TLR2: variants seen among roughly 807,000 people sequenced by gnomAD.
TLR2 encodes the protein toll-like receptor 2.
Under a neutral mutation model 9.1 loss-of-function variants are expected in TLR2, and 7 were observed. The observed-to-expected ratio is 0.77, with a 90% confidence interval of 0.44 to 1.44. The LOEUF is 1.44. Among genes scored for constraint, TLR2 ranks in the 40% most tolerant of loss-of-function variants. The pLI is 0.01. For synonymous variants in TLR2, 317 were observed against 344.6 expected (o/e 0.92, Z 0.89); for missense variants, 812 against 904.6 (o/e 0.90, Z 1.31).
At chr4:153,697,146 A>G (rs766609990) in intron 2 of TLR2, among the ~76,000 whole-genome samples, 15 of 152,182 alleles carry the variant, frequency 9.9e-5, no homozygotes, top group Admixed American at 9.8e-4. Context: ...AGGGAATTTT[A>G]TATGTGATCA....
downstream of TLR2, among the ~76,000 whole-genome samples, chr4:153,707,181 C>A (rs530757796): frequency 6.6e-6 from 1 of 152,110 alleles, no homozygotes; most frequent in Non-Finnish European, 1.5e-5. Context: ...AACTGCAGAA[C>A]AAGCTTGTCC....
intron 2 of TLR2, among the ~76,000 whole-genome samples, chr4:153,698,732 A>T (rs954111511): frequency 6.6e-6 from 1 of 152,210 alleles, no homozygotes; most frequent in East Asian, 1.9e-4. Flanking sequence ...TTACAGATGG[A>T]TTGCATTCAG....
chr4:153,702,954 G>A lies in TLR2; in HGVS notation c.47G>A (p.Ser16Asn), dbSNP rs1260223170. The change falls in exon 3 of 3, where the codon AGC becomes AAC. Residue 16 changes from serine to asparagine, a missense_variant. Ser to Asn is a conservative substitution (Grantham distance 46). Coordinates refer to ENST00000642700, the MANE Select transcript of TLR2 (RefSeq NM_001318789.2). ...GTGTGGGTCTTGGGGGTCATCATCAGCCTCTCCAAGGAAGAATCCTCCAAT... is the reference window on the plus strand; with the variant it reads ...GTGTGGGTCTTGGGGGTCATCATCAACCTCTCCAAGGAAGAATCCTCCAAT... ...WMVWVLGVII[S>N]LSKEESSNQA... The A allele has an allele frequency of 6.2e-7, 1 of 1,606,066 alleles. No individual in the cohort carries two copies. Among genetic ancestry groups the A allele is most frequent in the African/African-American group, 1.4e-5 (1 of 74,004 alleles).
chr4:153,684,450 C>T (rs1169109488), intron 1 of TLR2, 90 bp downstream of exon 1: 2 of 152,402 alleles, frequency 1.3e-5, no homozygotes, highest in African/African-American at 4.8e-5. Flanking sequence ...GCAGCCCGGT[C>T]ACGGGCTCTG....
chr4:153,708,893 T>C (rs1416533487), downstream of TLR2, among the ~76,000 whole-genome samples: 1 of 152,178 alleles, frequency 6.6e-6, no homozygotes, highest in Non-Finnish European at 1.5e-5. Context: ...TAGGTGGAGT[T>C]GTGCAGACAG....
rs181063567 is a variant in TLR2 at position 153,687,213 on chromosome 4, A to G, written c.-162-689A>G. Among the ~76,000 whole-genome samples the G allele has an allele frequency of 5.3e-5, 8 of 152,322 alleles. No homozygotes were observed. The East Asian group carries it at 1.5e-3, about 29-fold the overall frequency. Reference sequence around the variant, plus strand: ...GAAACTTACAACCTTAAGTGCATATATTAGAAATGAAGAGTGACGAAAAAT... The same window carrying G: ...GAAACTTACAACCTTAAGTGCATATGTTAGAAATGAAGAGTGACGAAAAAT... On this transcript the variant is annotated intron_variant, in intron 1 of 2. Transcript: ENST00000642700.
chr4:153,687,035 T>C (rs1351895853), intron 1 of TLR2, among the ~76,000 whole-genome samples: 2 of 152,166 alleles, frequency 1.3e-5, no homozygotes, highest in Admixed American at 6.5e-5. Context: ...GAAAAACTTA[T>C]AGAAAATTCT....
chr4:153,686,968 T>C (rs567556717), intron 1 of TLR2, among the ~76,000 whole-genome samples: 2 of 152,208 alleles, frequency 1.3e-5, no homozygotes, highest in Non-Finnish European at 2.9e-5. Context: ...TTTTAAAGAA[T>C]TTAAATCATA....
rs1433031069 is a variant in TLR2 at position 153,684,296 on chromosome 4, A to C, written c.-227A>C. 6.6e-6 allele frequency: 1 copy of C among 152,314 alleles called. No individual in the cohort carries two copies. Among genetic ancestry groups the C allele is most frequent in the South Asian group, 2.1e-4 (1 of 4,836 alleles). The allele number at this position is 152,314 out of a possible 1,614,324, so 9.4% of individuals were successfully genotyped here. On this transcript the variant is annotated 5_prime_UTR_variant, in exon 1 of 3. Coordinates refer to ENST00000642700, the MANE Select transcript of TLR2 (RefSeq NM_001318789.2). Reference sequence around the variant, plus strand: ...GTCCCGGGCAGGCCGGCTCGGAGGCAGCGAGAAAGCGCAGCCAGGCGGCTG... The same window carrying C: ...GTCCCGGGCAGGCCGGCTCGGAGGCCGCGAGAAAGCGCAGCCAGGCGGCTG...
At position 153,703,892 on chromosome 4, in the gene TLR2, A is replaced by G; in HGVS notation, c.985A>G (p.Ser329Gly). Residue 329 changes from serine to glycine, a missense_variant, in exon 3 of 3, where the codon AGC becomes GGC. Transcript: ENST00000642700. ...IPRFYLFYDL[S>G]TLYSLTERVK... The stretch of plus-strand genomic sequence containing the variant: ...AAGGTTTTACTTATTTTATGATCTG[A>G]GCACTTTATATTCACTTACAGAAAG... The G allele has an allele frequency of 6.2e-7, 1 of 1,614,012 alleles. No individual in the cohort carries two copies. Among genetic ancestry groups the G allele is most frequent in the Non-Finnish European group, 8.5e-7 (1 of 1,179,980 alleles).
rs966294052 is a variant in TLR2 at position 153,696,632 on chromosome 4, T to C, written c.-16-6260T>C. 3.3e-5 allele frequency among the ~76,000 whole-genome samples: 5 copies of C among 152,196 alleles called. No individual in the cohort carries two copies. In the East Asian group the frequency reaches 7.7e-4, roughly 23 times the overall value. On this transcript the variant is annotated intron_variant, in intron 2 of 2. Transcript: ENST00000642700. ...ATTACCAAATGTGTTTTCTGTCACA[T>C]TGAAAAATTATACCATGAGAAGGCA...
rs568764185 is a variant in TLR2, at chr4:153,689,843, C to T, written c.-17+1796C>T. Among the ~76,000 whole-genome samples the T allele has an allele frequency of 1.8e-4, 28 of 152,314 alleles. 1 individual carries two copies. In the South Asian group the frequency reaches 5.0e-3, roughly 27 times the overall value. On this transcript the variant is annotated intron_variant, in intron 2 of 2. Coordinates refer to ENST00000642700, the MANE Select transcript of TLR2 (RefSeq NM_001318789.2). ...GTCCCACTTTCCTCAGGTTTTCTTC[C>T]ACCCTCTATGGCAGTTTCTTGATCT...
chr4:153,702,873 G>T lies in TLR2; in HGVS notation c.-16-19G>T. ...TGCTGTCAAACACAATGACTTATTT[G>T]AACCTCTTTTATTTGTAGGTTGAAG... On this transcript the variant is annotated intron_variant, in intron 2 of 2. Transcript: ENST00000642700. The T allele has an allele frequency of 6.5e-7, 1 of 1,543,884 alleles. No individual in the cohort carries two copies.
In TLR2 at chr4:153,704,123, G is replaced by A. The variant is rs770658906; in HGVS notation, c.1216G>A (p.Gly406Arg). The change falls in exon 3 of 3, where the codon GGA becomes AGA. Residue 406 changes from glycine to arginine, a missense_variant. Transcript: ENST00000642700. ...TCATTTGGCATCATTGGAAAAAACC[G>A]GAGAGACTTTGCTCACTCTGAAAAA... ...QNHLASLEKT[G>R]ETLLTLKNLT... 1.7e-5 allele frequency: 27 copies of A among 1,613,756 alleles called. 1 individual carries two copies. Among genetic ancestry groups the A allele is most frequent in the South Asian group, 9.9e-5 (9 of 91,022 alleles).
rs963757707 is a variant in TLR2 at position 153,700,335 on chromosome 4, T to C, written c.-16-2557T>C. Among the ~76,000 whole-genome samples, 14 of 152,324 alleles carry C rather than the reference T, an allele frequency of 9.2e-5. No individual in the cohort carries two copies. In the Middle Eastern group the frequency reaches 0.01, roughly 111 times the overall value. ...TATAAATATGTAAAACTATTTTAAA[T>C]GTTTTTAAAGTATCGAATAGAAATA... On this transcript the variant is annotated intron_variant, in intron 2 of 2. Transcript: ENST00000642700.
At chr4:153,684,694 CCAATGGGCTGCG>C (rs903625212) in intron 1 of TLR2, among the ~76,000 whole-genome samples, 1 of 152,234 alleles carries the variant, frequency 6.6e-6, no homozygotes, top group Non-Finnish European at 1.5e-5. Flanking sequence ...GCGTGCAGTG[CCAATGGGCTGCG>C]GCTGGGCTGA....
rs1323632083 is a variant in TLR2 at position 153,704,553 on chromosome 4, A to G, written c.1646A>G (p.Gln549Arg). The change falls in exon 3 of 3, where the codon CAA (glutamine) becomes CGA (arginine). Residue 549 changes from glutamine (Q) to arginine (R), a missense_variant. Transcript: ENST00000642700. ...TTCCTCTCCTTCACTCAGGAGCAGC[A>G]AGCACTGGCCAAAGTCTTGATTGAT... ...CEFLSFTQEQ[Q>R]ALAKVLIDWP... 1 of 1,613,872 alleles carries G rather than the reference A, an allele frequency of 6.2e-7. No individual in the cohort carries two copies. Among genetic ancestry groups the G allele is most frequent in the Non-Finnish European group, 8.5e-7 (1 of 1,179,976 alleles).
chr4:153,695,621 G>C (rs1164047434), intron 2 of TLR2, among the ~76,000 whole-genome samples: 4 of 152,068 alleles, frequency 2.6e-5, no homozygotes, highest in African/African-American at 9.7e-5. Context: ...CTCCCATTCT[G>C]TGTATTGCCT....
intron 1 of TLR2, among the ~76,000 whole-genome samples, chr4:153,686,046 CT>C (rs1472357364): frequency 1.3e-5 from 2 of 152,172 alleles, no homozygotes; most frequent in Admixed American, 1.3e-4. Flanking sequence ...GAGGACAGAA[CT>C]TACTTTTATA....
Sources: allele counts gnomAD v4.1 joint callset (sites outside exome capture counted in the v4.1 genomes callset), GRCh38; gene constraint gnomAD v4.1.1; transcripts MANE v1.5; gene names NCBI Gene and HGNC (gene_info 2026-07-23, HGNC 2026-07-21).